FRMD5: variants seen among roughly 807,000 people sequenced by gnomAD.
FRMD5 encodes FERM domain containing 5.
FRMD5 carries 20 observed loss-of-function variants against 69.0 expected under a neutral mutation model. That is an observed-to-expected ratio of 0.29 (90% confidence interval 0.20 to 0.42). The LOEUF is 0.42. Among genes scored for constraint, FRMD5 ranks in the 10% least tolerant of loss-of-function variants. The probability of loss-of-function intolerance (pLI) is 1.00; values close to 1 mark genes in which losing one functional copy is unlikely to be tolerated. For missense variants in FRMD5, 595 were observed against 708.6 expected, an observed-to-expected ratio of 0.84 and a Z score of 1.82; for synonymous variants, 271 against 260.1, an observed-to-expected ratio of 1.04 and a Z score of -0.40.
At chr15:43,907,311 C>T (rs1265448755) in intron 5 of FRMD5, among the ~76,000 whole-genome samples, 2 of 152,222 alleles carry the variant, frequency 1.3e-5, no homozygotes, top group African/African-American at 4.8e-5. Context: ...TTCCAAATTA[C>T]TTGGGAACTT....
At chr15:44,066,436 G>C (rs1893314475) in intron 1 of FRMD5, among the ~76,000 whole-genome samples, 1 of 152,140 alleles carries the variant, frequency 6.6e-6, no homozygotes, top group Admixed American at 6.5e-5. Flanking sequence ...AAGGGGAAGA[G>C]ATGATCAACA....
intron 1 of FRMD5, among the ~76,000 whole-genome samples, chr15:44,076,277 A>G (rs1893760964): frequency 6.6e-6 from 1 of 151,968 alleles, no homozygotes. Context: ...TACTGGGTAC[A>G]TACCCAAAGG....
intron 1 of FRMD5, among the ~76,000 whole-genome samples, chr15:43,984,108 T>C (rs1322004305): frequency 1.3e-5 from 2 of 152,232 alleles, no homozygotes; most frequent in Non-Finnish European, 2.9e-5. Context: ...TTATACATAC[T>C]ATTCAACATT....
chr15:44,190,489 T>G (rs2078174973), intron 1 of FRMD5, among the ~76,000 whole-genome samples: 1 of 146,098 alleles, frequency 6.8e-6, no homozygotes, highest in Admixed American at 6.6e-5. Flanking sequence ...CTTGCAGAGA[T>G]GGAGGCAGGG....
At chr15:44,185,160 T>C (rs1329956864) in intron 1 of FRMD5, among the ~76,000 whole-genome samples, 1 of 152,250 alleles carries the variant, frequency 6.6e-6, no homozygotes, top group Non-Finnish European at 1.5e-5. Flanking sequence ...GTTCTGTAGC[T>C]ACACCAAGCA....
intron 1 of FRMD5, among the ~76,000 whole-genome samples, chr15:44,033,033 A>G (rs1891752935): frequency 6.6e-6 from 1 of 152,238 alleles, no homozygotes; most frequent in South Asian, 2.1e-4. Context: ...CAGCCATAAA[A>G]AAGAACAAGG....
At chr15:44,035,069 G>A (rs779436512) in intron 1 of FRMD5, among the ~76,000 whole-genome samples, 2 of 152,010 alleles carry the variant, frequency 1.3e-5, no homozygotes, top group Admixed American at 1.3e-4. Context: ...CTTAAGACCT[G>A]GTACTATATT....
rs181809444 is a variant in FRMD5 at position 43,935,934 on chromosome 15, T to C, written c.103-11625A>G. ...TGAGGGTCTAATCTGAGCAAGGCAC[T>C]ACCTGAGCTATCTCAAGGCTGCAGA... On this transcript the variant is annotated intron_variant, in intron 1 of 13. Coordinates refer to ENST00000417257, the MANE Select transcript of FRMD5 (RefSeq NM_032892.5). Among the ~76,000 whole-genome samples the C allele has an allele frequency of 1.2e-4, 18 of 152,348 alleles. No individual in the cohort carries two copies. In the East Asian group the frequency reaches 3.5e-3, roughly 29 times the overall value.
intron 1 of FRMD5, among the ~76,000 whole-genome samples, chr15:44,153,964 TA>T (rs533784202): frequency 2.4e-4 from 36 of 148,960 alleles, no homozygotes; most frequent in South Asian, 8.4e-4. Flanking sequence ...GGGCAAGTCT[TA>T]AAAAAAAAAT....
chr15:43,955,913 T>C (rs550712369), intron 1 of FRMD5, among the ~76,000 whole-genome samples: 22 of 152,236 alleles, frequency 1.4e-4, no homozygotes, highest in Non-Finnish European at 2.6e-4. Context: ...GTTCTGGTTT[T>C]TTGGTGGAAG....
At chr15:44,020,620 G>A (rs934652997) in intron 1 of FRMD5, among the ~76,000 whole-genome samples, 2 of 152,204 alleles carry the variant, frequency 1.3e-5, no homozygotes, top group African/African-American at 4.8e-5. Flanking sequence ...TTAATCATAT[G>A]AGTGACTTCT....
chr15:44,198,386 G>A (rs562484462), upstream of FRMD5, among the ~76,000 whole-genome samples: 6 of 149,638 alleles, frequency 4.0e-5, no homozygotes, highest in East Asian at 2.0e-4. Context: ...TCACCTCACC[G>A]AAAGACCAGT....
intron 1 of FRMD5, among the ~76,000 whole-genome samples, chr15:44,065,907 G>A (rs552470830): frequency 2.6e-5 from 4 of 152,206 alleles, no homozygotes; most frequent in Non-Finnish European, 5.9e-5. Context: ...GATACAGTTT[G>A]TCAGATAAGG....
chr15:44,155,509 C>T (rs777472667), intron 1 of FRMD5, among the ~76,000 whole-genome samples: 36 of 152,072 alleles, frequency 2.4e-4, no homozygotes, highest in Non-Finnish European at 4.9e-4. Context: ...TGAATATAAG[C>T]ATACCATATG....
chr15:44,033,487 G>A (rs1891776396), intron 1 of FRMD5, among the ~76,000 whole-genome samples: 1 of 152,002 alleles, frequency 6.6e-6, no homozygotes, highest in South Asian at 2.1e-4. Context: ...TTTTGTTCAA[G>A]TCTCTTTTTT....
chr15:43,938,231 C>CAAAAAAAA (rs775430626), intron 1 of FRMD5, among the ~76,000 whole-genome samples: 1 of 65,144 alleles, frequency 1.5e-5, no homozygotes. Context: ...GACTCCGTCT[C>CAAAAAAAA]AAAAAAAAAA....
chr15:44,193,116 A>T (rs2078223673), intron 1 of FRMD5, among the ~76,000 whole-genome samples: 1 of 152,224 alleles, frequency 6.6e-6, no homozygotes, highest in South Asian at 2.1e-4. Flanking sequence ...TGGGAAAAAA[A>T]TAACTATTTG....
intron 1 of FRMD5, among the ~76,000 whole-genome samples, chr15:43,972,142 A>G (rs1404543831): frequency 6.6e-6 from 1 of 151,086 alleles, no homozygotes; most frequent in African/African-American, 2.4e-5. Flanking sequence ...AAAGAAAGAT[A>G]CAACAGGCAC....
intron 1 of FRMD5, among the ~76,000 whole-genome samples, chr15:43,930,828 C>G (rs1444606217): frequency 1.3e-5 from 2 of 152,174 alleles, no homozygotes; most frequent in Non-Finnish European, 2.9e-5. Flanking sequence ...GGGGAAATCA[C>G]ATTCAGTCTG....
Sources: gnomAD v4.1 joint callset for allele counts (sites outside exome capture counted in the v4.1 genomes callset) on GRCh38, gnomAD v4.1.1 for gene constraint, MANE v1.5 for transcripts, NCBI Gene and HGNC (gene_info 2026-07-23, HGNC 2026-07-21) for gene names.